Variants in PRELID2 observed in about 807,000 individuals in gnomAD.
PRELID2 encodes PRELI domain-containing protein 2.
In PRELID2, 25 loss-of-function variants were observed where a neutral mutation model predicts 28.4. The observed-to-expected ratio is 0.88, with a 90% CI of 0.64 to 1.23. The LOEUF is 1.23. Ranked by LOEUF, PRELID2 falls within the 50% of genes most tolerant of loss-of-function variation. PRELID2 has a pLI of 0.00. For missense variants in PRELID2, 201 were observed against 214.4 expected, an observed-to-expected ratio of 0.94 and a Z score of 0.39; for synonymous variants, 76 against 71.6, an observed-to-expected ratio of 1.06 and a Z score of -0.31.
At chr5:145,636,867 A>T (rs1228733828) in intron 1 of PRELID2, among the ~76,000 whole-genome samples, 1 of 152,230 alleles carries the variant, frequency 6.6e-6, no homozygotes, top group African/African-American at 2.4e-5. Context: ...TACATTTTTT[A>T]AAGCAAATAA....
At chr5:145,833,220 C>T (rs964825425) in intron 1 of PRELID2, among the ~76,000 whole-genome samples, 4 of 152,160 alleles carry the variant, frequency 2.6e-5, no homozygotes, top group African/African-American at 9.7e-5. Context: ...TGAGTCTCAC[C>T]TTTAAAAACC....
At chr5:145,234,750 C>T in the PRELID2 span, among the ~76,000 whole-genome samples, 2 of 152,100 alleles carry the variant, frequency 1.3e-5, no homozygotes, top group African/African-American at 2.4e-5. Context: ...AACGTTGCCT[C>T]AAGAAATAGA....
rs1757412624 is a variant in PRELID2, at chr5:145,760,315, T to G, written c.*221A>C. 1 of 151,952 alleles carries G rather than the reference T, an allele frequency of 6.6e-6. No homozygotes were observed. The highest frequency in any genetic ancestry group is 1.5e-5 in the Non-Finnish European group (1 of 67,972). 9.4% of individuals were successfully genotyped at this position (151,952 alleles called of 1,614,324 possible). On this transcript the variant is annotated 3_prime_UTR_variant, in exon 7 of 7. Transcript: ENST00000683046. ...GTGTCATAAAAATCCAGCAAGAAGG[T>G]CTTATCTCCCTGAGTCCCACTATTC...
chr5:145,673,587 T>A (rs1754753800), intron 1 of PRELID2, among the ~76,000 whole-genome samples: 1 of 152,002 alleles, frequency 6.6e-6, no homozygotes, highest in Non-Finnish European at 1.5e-5. Context: ...ATAACACAAC[T>A]GAGATCAAAG....
At chr5:145,430,534 G>C in the PRELID2 span, among the ~76,000 whole-genome samples, 1 of 152,200 alleles carries the variant, frequency 6.6e-6, no homozygotes, top group East Asian at 1.9e-4. Context: ...ACTGCCCATT[G>C]TCTAGGCCTG....
chr5:145,495,674 C>T (rs1326894749), intron 1 of PRELID2, among the ~76,000 whole-genome samples: 1 of 152,128 alleles, frequency 6.6e-6, no homozygotes, highest in Non-Finnish European at 1.5e-5. Context: ...ATAATGTTAG[C>T]ATGTCTTTCA....
At chr5:145,498,716 T>G (rs1752329576) in intron 1 of PRELID2, among the ~76,000 whole-genome samples, 1 of 151,972 alleles carries the variant, frequency 6.6e-6, no homozygotes, top group Non-Finnish European at 1.5e-5. Flanking sequence ...TTTTTTGTTT[T>G]GTTTTGTTTT....
intron 1 of PRELID2, among the ~76,000 whole-genome samples, chr5:145,599,379 T>G (rs1438814224): frequency 3.3e-5 from 5 of 152,102 alleles, no homozygotes; most frequent in African/African-American, 1.2e-4. Flanking sequence ...CAGGCTCAAC[T>G]GACCACAAAC....
intron 1 of PRELID2, among the ~76,000 whole-genome samples, chr5:145,826,404 C>T (rs1243586165): frequency 6.6e-6 from 1 of 152,120 alleles, no homozygotes; most frequent in Non-Finnish European, 1.5e-5. Flanking sequence ...CTGCAGTGTG[C>T]AAGAGAACGA....
chr5:145,228,996 G>C, the PRELID2 span: 2 of 1,600,530 alleles, frequency 1.2e-6, no homozygotes, highest in Non-Finnish European at 1.7e-6. Flanking sequence ...GGTGTTCATT[G>C]AGGATGTCAG....
the PRELID2 span, among the ~76,000 whole-genome samples, chr5:145,418,268 C>T: frequency 1.3e-5 from 2 of 152,080 alleles, no homozygotes; most frequent in African/African-American, 4.8e-5. Context: ...AACCAACCAT[C>T]CTCATGATTA....
intron 1 of PRELID2, among the ~76,000 whole-genome samples, chr5:145,529,293 GT>G (rs549340304): frequency 9.4e-4 from 143 of 152,278 alleles, no homozygotes; most frequent in African/African-American, 3.2e-3. Context: ...ATTTAAACTA[GT>G]TCTAAAGTCT....
chr5:145,642,385 A>G (rs906397333), intron 1 of PRELID2, among the ~76,000 whole-genome samples: 23 of 152,100 alleles, frequency 1.5e-4, no homozygotes, highest in African/African-American at 5.5e-4. Flanking sequence ...TTGTAAAGTT[A>G]TTTAAGTTCT....
chr5:145,762,394 A>C (rs80074851), intron 6 of PRELID2, among the ~76,000 whole-genome samples: 8,525 of 152,086 alleles, frequency 0.056, 448 homozygotes, highest in African/African-American at 0.14. Context: ...AAAATTAGCC[A>C]GGTGTGGTGG....
At chr5:145,330,125 A>G in the PRELID2 span, among the ~76,000 whole-genome samples, 2 of 152,198 alleles carry the variant, frequency 1.3e-5, no homozygotes, top group Non-Finnish European at 2.9e-5. Flanking sequence ...AATGAAGCCA[A>G]GTTGATCATG....
At chr5:145,368,544 T>C in the PRELID2 span, among the ~76,000 whole-genome samples, 1 of 151,906 alleles carries the variant, frequency 6.6e-6, no homozygotes, top group African/African-American at 2.4e-5. Context: ...CTCCCTAATA[T>C]ATACTTAGTA....
chr5:145,243,758 A>G, the PRELID2 span, among the ~76,000 whole-genome samples: 1 of 152,254 alleles, frequency 6.6e-6, no homozygotes, highest in African/African-American at 2.4e-5. Flanking sequence ...TGCCAACAAT[A>G]AATATTCAAC....
At chr5:145,586,895 C>T (rs1753160924) in intron 1 of PRELID2, among the ~76,000 whole-genome samples, 1 of 152,058 alleles carries the variant, frequency 6.6e-6, no homozygotes, top group African/African-American at 2.4e-5. Flanking sequence ...TGTTTCTCAA[C>T]AATTCTTGTT....
At chr5:145,780,010 G>A (rs111714314) in intron 5 of PRELID2, among the ~76,000 whole-genome samples, 12 of 152,264 alleles carry the variant, frequency 7.9e-5, no homozygotes, top group African/African-American at 2.6e-4. Flanking sequence ...GTGAGACCTC[G>A]TCTCTTAAAA....
Sources: gnomAD v4.1 joint callset for allele counts (sites outside exome capture counted in the v4.1 genomes callset) on GRCh38, gnomAD v4.1.1 for gene constraint, MANE v1.5 for transcripts, NCBI Gene and HGNC (gene_info 2026-07-23, HGNC 2026-07-21) for gene names.